VGLL4: variants seen among roughly 807,000 people sequenced by gnomAD.
VGLL4 encodes transcription cofactor vestigial-like protein 4.
In VGLL4, 7 loss-of-function variants were observed where a neutral mutation model predicts 21.0. The observed-to-expected ratio is 0.33, with a 90% CI of 0.19 to 0.63. The LOEUF (loss-of-function observed/expected upper bound fraction) is 0.63, where lower values mean the gene tolerates loss of function less well. Ranked by LOEUF, VGLL4 falls within the 20% of genes least tolerant of loss-of-function variation. VGLL4 has a pLI of 0.78. For synonymous variants in VGLL4, 222 were observed against 173.2 expected (o/e 1.28, Z -2.21); for missense variants, 394 against 425.7 (o/e 0.93, Z 0.66).
chr3:11,610,061 T>A (rs887274280), intron 1 of VGLL4, among the ~76,000 whole-genome samples: 1 of 152,140 alleles, frequency 6.6e-6, no homozygotes, highest in African/African-American at 2.4e-5. Context: ...CATAGCTCGG[T>A]CGGCCAAGCC....
chr3:11,628,368 A>G (rs2075399321), intron 1 of VGLL4, among the ~76,000 whole-genome samples: 1 of 152,098 alleles, frequency 6.6e-6, no homozygotes, highest in Non-Finnish European at 1.5e-5. Flanking sequence ...AGCCTGGGCA[A>G]CAAGAGTGAA....
chr3:11,630,451 C>A (rs2075450980), intron 1 of VGLL4, among the ~76,000 whole-genome samples: 1 of 152,052 alleles, frequency 6.6e-6, no homozygotes, highest in Non-Finnish European at 1.5e-5. Flanking sequence ...TCGAAACCAG[C>A]CTGTCCAACA....
intron 1 of VGLL4, among the ~76,000 whole-genome samples, chr3:11,629,921 T>C (rs774364100): frequency 1.1e-4 from 16 of 152,256 alleles, no homozygotes; most frequent in African/African-American, 3.4e-4. Context: ...AGGCCAGTGG[T>C]TGGATGAATC....
rs1449954242 is a variant in VGLL4, at chr3:11,653,345, T to C, written c.64+49626A>G. Among the ~76,000 whole-genome samples, 1 of 152,236 alleles carries C rather than the reference T, an allele frequency of 6.6e-6. No homozygotes were observed. Among genetic ancestry groups the C allele is most frequent in the Non-Finnish European group, 1.5e-5 (1 of 68,034 alleles). On this transcript the variant is annotated intron_variant, in intron 2 of 5. Coordinates refer to the VGLL4 transcript ENST00000273038. The surrounding 1 kb of genome is among the most constrained non-coding windows in gnomAD (Gnocchi z 4.2). ...CTTACTATCCTAACCTTTAAGAACG[T>C]AGATCAGTTGTATAACACTTTATAG...
intron 1 of VGLL4, among the ~76,000 whole-genome samples, chr3:11,707,327 CAAAAAAAAAAAA>C (rs34222383): frequency 9.3e-5 from 4 of 43,028 alleles, no homozygotes; most frequent in East Asian, 7.6e-4. Context: ...GACCCTGCCT[CAAAAAAAAAAAA>C]AAAAAAAAAA....
At chr3:11,717,282 G>A (rs935710762) in intron 1 of VGLL4, among the ~76,000 whole-genome samples, 1 of 150,402 alleles carries the variant, frequency 6.6e-6, no homozygotes, top group Non-Finnish European at 1.5e-5. Context: ...CTTTTGTTAG[G>A]TCATGTTCAA....
intron 2 of VGLL4, among the ~76,000 whole-genome samples, chr3:11,667,341 C>A (rs1201485100): frequency 6.6e-6 from 1 of 152,248 alleles, no homozygotes; most frequent in Non-Finnish European, 1.5e-5. Context: ...CTGTCCTTAT[C>A]TTTCCTTCTG....
At chr3:11,628,428 A>G (rs2075401184) in intron 1 of VGLL4, among the ~76,000 whole-genome samples, 3 of 152,106 alleles carry the variant, frequency 2.0e-5, no homozygotes, top group Non-Finnish European at 4.4e-5. Context: ...ATCGAATTGT[A>G]CCCTAAAAAT....
chr3:11,566,366 A>G (rs776681402), intron 2 of VGLL4, among the ~76,000 whole-genome samples: 10 of 152,256 alleles, frequency 6.6e-5, no homozygotes, highest in Non-Finnish European at 1.3e-4. Context: ...AAACTACAGT[A>G]CAATATCACA....
At chr3:11,574,034 TGAGA>T (rs2073954479) in intron 2 of VGLL4, among the ~76,000 whole-genome samples, 2 of 152,120 alleles carry the variant, frequency 1.3e-5, no homozygotes, top group African/African-American at 4.8e-5. Context: ...CACCAGCAGC[TGAGA>T]GAAAGGCCTG....
At chr3:11,674,871 A>C (rs2076268443) in intron 2 of VGLL4, among the ~76,000 whole-genome samples, 3 of 152,226 alleles carry the variant, frequency 2.0e-5, no homozygotes, top group South Asian at 2.1e-4. Context: ...AAGACATAGG[A>C]AAAAGACATG....
At chr3:11,629,671 C>T (rs1056024466) in intron 1 of VGLL4, among the ~76,000 whole-genome samples, 7 of 149,008 alleles carry the variant, frequency 4.7e-5, no homozygotes, top group South Asian at 2.2e-4. Flanking sequence ...CACTTGAACC[C>T]GGGAGGCAGA....
At chr3:11,567,455 C>T (rs1443741408) in intron 2 of VGLL4, among the ~76,000 whole-genome samples, 1 of 151,980 alleles carries the variant, frequency 6.6e-6, no homozygotes, top group Non-Finnish European at 1.5e-5. Context: ...AATGTTCAGC[C>T]CATTAAGACA....
At position 11,564,910 on chromosome 3, in the gene VGLL4, T is replaced by G. The variant is rs889298834; in HGVS notation, c.382A>C (p.Thr128Pro). 1 of 1,600,178 alleles carries G rather than the reference T, an allele frequency of 6.2e-7. No homozygotes were observed. The highest frequency in any genetic ancestry group is 1.7e-5 in the Admixed American group (1 of 58,342). ...TMSLHGSHLY[T>P]SLPSLGLEQP... The stretch of plus-strand genomic sequence containing the variant: ...TCCAGGCCAAGGCTGGGGAGGGAGG[T>G]GTACAGGTGGCTGCCGTGCAGGCTC... The change falls in exon 3 of 5, where the codon ACC becomes CCC. Residue 128 changes from threonine (T) to proline (P), a missense_variant. Transcript: ENST00000430365.
chr3:11,650,833 G>T (rs1451824591), intron 2 of VGLL4, among the ~76,000 whole-genome samples: 1 of 151,870 alleles, frequency 6.6e-6, no homozygotes, highest in Non-Finnish European at 1.5e-5. Context: ...TTGAGCTAAA[G>T]CATCAGTTAA....
chr3:11,565,007 G>C lies in VGLL4; in HGVS notation c.285C>G (p.Ala95=). ...RIFNPHLNKT[A]NGDCRRDPRE... is the part of the protein sequence containing the mutation. ...GGGGGTCTCTGCGGCAGTCTCCATT[G>C]GCAGTCTTGTTCCTGAAAAAGAGGA... Residue 95 remains alanine (A), a synonymous_variant, in exon 3 of 5, where the codon GCC becomes GCG. Transcript: ENST00000430365. The surrounding 1 kb of genome is among the most constrained non-coding windows in gnomAD (Gnocchi z 4.1). 1 of 1,495,472 alleles carries C rather than the reference G, an allele frequency of 6.7e-7. No homozygotes were observed. Among genetic ancestry groups the C allele is most frequent in the African/African-American group, 1.4e-5 (1 of 69,820 alleles). The allele number at this position is 1,495,472 out of a possible 1,614,324, so 92.6% of individuals were successfully genotyped here.
upstream of VGLL4, among the ~76,000 whole-genome samples, chr3:11,648,902 C>T (rs1398088348): frequency 3.3e-5 from 5 of 152,210 alleles, no homozygotes; most frequent in Admixed American, 2.6e-4. Flanking sequence ...CCATTGGAAT[C>T]TTTGCTCACT....
intron 1 of VGLL4, among the ~76,000 whole-genome samples, chr3:11,637,471 T>C (rs2075610212): frequency 6.6e-6 from 1 of 152,180 alleles, no homozygotes; most frequent in South Asian, 2.1e-4. Context: ...AAGAGTGAAA[T>C]ATTAAGAGTT....
At chr3:11,567,171 T>TCCGAGCCTCGGCGTC (rs2073576126) in intron 2 of VGLL4, among the ~76,000 whole-genome samples, 1 of 152,112 alleles carries the variant, frequency 6.6e-6, no homozygotes, top group Non-Finnish European at 1.5e-5. Flanking sequence ...CCCGAGGCGT[T>TCCGAGCCTCGGCGTC]CCGAGCCTCG....
Sources: gnomAD v4.1 joint callset for allele counts (sites outside exome capture counted in the v4.1 genomes callset) on GRCh38, gnomAD v4.1.1 for gene constraint, Gnocchi (gnomAD v3.1) non-coding constraint, MANE v1.5 for transcripts, NCBI Gene and HGNC (gene_info 2026-07-23, HGNC 2026-07-21) for gene names.